Variants in SLC17A1 observed in about 807,000 individuals in gnomAD.
SLC17A1 encodes the protein solute carrier family 17 member 1.
Under a neutral mutation model 53.5 loss-of-function variants are expected in SLC17A1, and 51 were observed. That is an observed-to-expected ratio of 0.95 (90% CI 0.76 to 1.20). The LOEUF (loss-of-function observed/expected upper bound fraction) is 1.20, where lower values mean the gene tolerates loss of function less well. Among genes scored for constraint, SLC17A1 ranks in the 50% most tolerant of loss-of-function variants. The pLI, the probability that SLC17A1 is intolerant of heterozygous loss-of-function variation, is 0.00. For missense variants in SLC17A1, 538 were observed against 568.2 expected (o/e 0.95, Z 0.54); for synonymous variants, 179 against 198.8 (o/e 0.90, Z 0.84).
the SLC17A1 span, chr6:25,776,452 C>A: frequency 1.1e-6 from 1 of 945,326 alleles, no homozygotes; most frequent in Non-Finnish European, 1.5e-6. Flanking sequence ...AGTATATTGG[C>A]TCATTATAGT....
At chr6:25,795,165 G>A (rs367574387) in intron 12 of SLC17A1, among the ~76,000 whole-genome samples, 176 of 152,252 alleles carry the variant, frequency 1.2e-3, no homozygotes, top group African/African-American at 4.1e-3. Flanking sequence ...TATCTAAAAT[G>A]AGAATTTAAA....
chr6:25,735,527 A>G, the SLC17A1 span, among the ~76,000 whole-genome samples: 124 of 152,306 alleles, frequency 8.1e-4, 3 homozygotes, highest in East Asian at 0.021. Flanking sequence ...GACTGAATTC[A>G]AGTACCCAAA....
At chr6:25,770,372 T>C in the SLC17A1 span, 1 of 1,614,028 alleles carries the variant, frequency 6.2e-7, no homozygotes, top group Middle Eastern at 1.7e-4. Context: ...AGAATGGAAT[T>C]TTTCCCCCCA....
intron 3 of SLC17A1, among the ~76,000 whole-genome samples, chr6:25,821,199 T>G (rs1328172452): frequency 2.0e-5 from 3 of 152,206 alleles, no homozygotes; most frequent in Non-Finnish European, 4.4e-5. Flanking sequence ...TAGGTAGGAA[T>G]CCATATGTTT....
chr6:25,727,058 C>A, the SLC17A1 span: 2 of 1,614,102 alleles, frequency 1.2e-6, no homozygotes. Flanking sequence ...TAAAGCAGGT[C>A]CATCCGGACA....
At chr6:25,735,515 T>C in the SLC17A1 span, among the ~76,000 whole-genome samples, 1 of 152,040 alleles carries the variant, frequency 6.6e-6, no homozygotes, top group East Asian at 1.9e-4. Flanking sequence ...AACATCAACA[T>C]TGACTGAATT....
At chr6:25,796,841 A>G (rs1049946543) in intron 12 of SLC17A1, among the ~76,000 whole-genome samples, 1 of 152,128 alleles carries the variant, frequency 6.6e-6, no homozygotes, top group African/African-American at 2.4e-5. Context: ...TATTTTCTTC[A>G]TTTCCTTGTC....
At chr6:25,811,348 A>G in intron 10 of SLC17A1, 50 bp downstream of exon 10, 4 of 1,496,726 alleles carry the variant, frequency 2.7e-6, no homozygotes, top group Non-Finnish European at 3.7e-6. Context: ...ATAAATATAT[A>G]CAATATTTAT....
intron 11 of SLC17A1, among the ~76,000 whole-genome samples, chr6:25,799,411 G>A (rs1383890616): frequency 1.3e-5 from 2 of 150,254 alleles, no homozygotes; most frequent in Non-Finnish European, 3.0e-5. Context: ...TTTTGGATTC[G>A]TTTTGAAGAG....
At chr6:25,778,045 A>G (rs371300282), downstream of SLC17A1, 33 of 1,575,642 alleles carry the variant, frequency 2.1e-5, no homozygotes, top group African/African-American at 3.9e-4. Flanking sequence ...ATGAATATTC[A>G]TAAAAGAAAC....
the SLC17A1 span, among the ~76,000 whole-genome samples, chr6:25,728,146 A>G: frequency 6.6e-6 from 1 of 152,210 alleles, no homozygotes; most frequent in Non-Finnish European, 1.5e-5. Flanking sequence ...ATGATCCCAA[A>G]TTTTAAGACC....
At chr6:25,789,276 C>T (rs537751173) in intron 12 of SLC17A1, among the ~76,000 whole-genome samples, 3 of 151,958 alleles carry the variant, frequency 2.0e-5, no homozygotes, top group African/African-American at 7.3e-5. Flanking sequence ...AAAATTGAGA[C>T]AAATTGAGCA....
intron 10 of SLC17A1, among the ~76,000 whole-genome samples, chr6:25,803,402 T>C (rs540992122): frequency 6.6e-6 from 1 of 152,234 alleles, no homozygotes; most frequent in African/African-American, 2.4e-5. Context: ...CCAAGGCCAC[T>C]GCTCTACAAA....
At chr6:25,777,006 T>C in the SLC17A1 span, 8 of 1,557,790 alleles carry the variant, frequency 5.1e-6, no homozygotes, top group Non-Finnish European at 6.1e-6. Context: ...AATTCAAGTC[T>C]AGCAGCCCTA....
the SLC17A1 span, chr6:25,727,315 C>G: frequency 3.9e-6 from 6 of 1,557,428 alleles, no homozygotes; most frequent in Admixed American, 7.6e-5. Flanking sequence ...AACGTCATTT[C>G]TAACCCAAAG....
the SLC17A1 span, among the ~76,000 whole-genome samples, chr6:25,771,948 GT>G: frequency 6.6e-6 from 1 of 152,110 alleles, no homozygotes; most frequent in African/African-American, 2.4e-5. Flanking sequence ...CCTAGCTGCT[GT>G]TACCTTTAGT....
chr6:25,729,735 C>G, the SLC17A1 span, among the ~76,000 whole-genome samples: 4 of 142,790 alleles, frequency 2.8e-5, no homozygotes, highest in East Asian at 7.9e-4. Flanking sequence ...GACTGCTTTC[C>G]GTGCATTTTT....
chr6:25,777,264 A>C, the SLC17A1 span: 1 of 311,402 alleles, frequency 3.2e-6, no homozygotes, highest in Non-Finnish European at 5.9e-6. Context: ...GAATCACTGA[A>C]AGAAATCTTG....
At chr6:25,758,700 G>A in the SLC17A1 span, among the ~76,000 whole-genome samples, 81 of 151,910 alleles carry the variant, frequency 5.3e-4, no homozygotes, top group African/African-American at 7.5e-4. Flanking sequence ...GGTTAGTGTC[G>A]CTGATGGTCT....
Sources: gnomAD v4.1 joint callset for allele counts (sites outside exome capture counted in the v4.1 genomes callset) on GRCh38, gnomAD v4.1.1 for gene constraint, MANE v1.5 for transcripts, NCBI Gene and HGNC (gene_info 2026-07-23, HGNC 2026-07-21) for gene names.